Variants in VAT1L observed in about 807,000 individuals in gnomAD.
The protein encoded by VAT1L is putative NADPH-dependent quinone oxidoreductase VAT1L.
In VAT1L, 34 loss-of-function variants were observed where a neutral mutation model predicts 44.1. The observed-to-expected ratio is 0.77, with a 90% CI of 0.59 to 1.03. The LOEUF (loss-of-function observed/expected upper bound fraction) is 1.03. Ranked by LOEUF, VAT1L falls within the 50% of genes least tolerant of loss-of-function variation. VAT1L has a pLI of 0.00. For missense variants in VAT1L, 615 were observed against 538.8 expected (o/e 1.14, Z -1.40); for synonymous variants, 253 against 202.2 (o/e 1.25, Z -2.13).
At chr16:77,819,371 CTTTTTTCTTTT>C (rs1201750470) in intron 2 of VAT1L, among the ~76,000 whole-genome samples, 12 of 151,910 alleles carry the variant, frequency 7.9e-5, no homozygotes, top group East Asian at 5.8e-4. Context: ...ATATTCTTTT[CTTTTTTCTTTT>C]TTTTTTCTTT....
At chr16:77,974,983 G>C (rs923930256) in intron 8 of VAT1L, among the ~76,000 whole-genome samples, 1 of 152,042 alleles carries the variant, frequency 6.6e-6, no homozygotes, top group Non-Finnish European at 1.5e-5. Context: ...TGGAAAAGCA[G>C]ACTTGAAGGA....
At chr16:77,924,618 AC>A (rs2017646555) in intron 7 of VAT1L, among the ~76,000 whole-genome samples, 1 of 151,808 alleles carries the variant, frequency 6.6e-6, no homozygotes, top group Admixed American at 6.6e-5. Flanking sequence ...ATGCCACCAC[AC>A]CCACCTAATT....
chr16:77,914,954 C>T (rs556990130), intron 7 of VAT1L, among the ~76,000 whole-genome samples: 1 of 152,100 alleles, frequency 6.6e-6, no homozygotes, highest in Non-Finnish European at 1.5e-5. Flanking sequence ...GGAGAAACCC[C>T]GTCTCTACTA....
chr16:77,873,886 G>A (rs954609225), intron 4 of VAT1L, among the ~76,000 whole-genome samples: 4 of 152,140 alleles, frequency 2.6e-5, no homozygotes, highest in African/African-American at 2.4e-5. Context: ...ACAATCAAAA[G>A]GCCAAATGCC....
chr16:77,863,851 G>A (rs968916170), intron 4 of VAT1L, among the ~76,000 whole-genome samples: 17 of 152,156 alleles, frequency 1.1e-4, no homozygotes, highest in African/African-American at 4.1e-4. Context: ...CACCAATCCA[G>A]CAAATGTGGA....
At chr16:77,893,891 A>C (rs2017294204) in intron 7 of VAT1L, among the ~76,000 whole-genome samples, 1 of 152,208 alleles carries the variant, frequency 6.6e-6, no homozygotes, top group African/African-American at 2.4e-5. Flanking sequence ...TGCTACTAGG[A>C]AATGCTTAGC....
chr16:77,963,407 G>T (rs1158301833), intron 7 of VAT1L, among the ~76,000 whole-genome samples: 1 of 152,112 alleles, frequency 6.6e-6, no homozygotes. Flanking sequence ...TCTAAAGACG[G>T]GAAAGTCAAG....
intron 3 of VAT1L, among the ~76,000 whole-genome samples, chr16:77,846,226 C>G (rs2016756840): frequency 1.3e-5 from 2 of 152,188 alleles, no homozygotes; most frequent in South Asian, 4.1e-4. Context: ...CATGTAGACA[C>G]AGTTTCATTA....
At chr16:77,920,009 G>A (rs1325843203) in intron 7 of VAT1L, among the ~76,000 whole-genome samples, 1 of 152,116 alleles carries the variant, frequency 6.6e-6, no homozygotes, top group Admixed American at 6.6e-5. Context: ...GCTTGAACCT[G>A]AGAGGCAGAG....
intron 5 of VAT1L, among the ~76,000 whole-genome samples, chr16:77,878,349 C>T (rs1009199362): frequency 1.3e-5 from 2 of 152,130 alleles, no homozygotes; most frequent in African/African-American, 4.8e-5. Flanking sequence ...TAAATAACTC[C>T]TCTCTGAGAA....
At chr16:77,814,531 C>T (rs568545643) in intron 1 of VAT1L, among the ~76,000 whole-genome samples, 9 of 152,236 alleles carry the variant, frequency 5.9e-5, no homozygotes, top group East Asian at 3.9e-4. Flanking sequence ...AGTTGAGCAG[C>T]GTAATAAGTG....
chr16:77,906,681 G>C (rs1391761498), intron 7 of VAT1L, among the ~76,000 whole-genome samples: 3 of 152,158 alleles, frequency 2.0e-5, no homozygotes, highest in Admixed American at 6.5e-5. Context: ...AAAACTAAGG[G>C]GGGAACGGTC....
chr16:77,806,799 A>T (rs756894498), intron 1 of VAT1L, among the ~76,000 whole-genome samples: 1 of 152,168 alleles, frequency 6.6e-6, no homozygotes, highest in Non-Finnish European at 1.5e-5. Context: ...CTGTCATATC[A>T]TAGCAAAAAT....
intron 7 of VAT1L, among the ~76,000 whole-genome samples, chr16:77,948,490 T>C (rs2142520721): frequency 6.6e-6 from 1 of 152,290 alleles, no homozygotes; most frequent in East Asian, 1.9e-4. Flanking sequence ...GTTATAGTTG[T>C]CATTTGGGGA....
At chr16:77,944,573 C>G (rs77309398) in intron 7 of VAT1L, among the ~76,000 whole-genome samples, 2 of 152,078 alleles carry the variant, frequency 1.3e-5, no homozygotes, top group Non-Finnish European at 2.9e-5. Context: ...AAATAATGCA[C>G]CTGTCTTGTA....
chr16:77,879,955 G>A lies in VAT1L; in HGVS notation c.882+731G>A, dbSNP rs2017132012. ...CTCTTGAATCGGAGATAGAAATGAG[G>A]ACCCTATGACCTTAACAAGATCCTG... On this transcript the variant is annotated intron_variant, in intron 6 of 8. Coordinates refer to ENST00000302536, the MANE Select transcript of VAT1L (RefSeq NM_020927.3). The surrounding 1 kb of genome is among the most constrained non-coding windows in gnomAD (Gnocchi z 4.1). Among the ~76,000 whole-genome samples the A allele has an allele frequency of 6.6e-6, 1 of 152,106 alleles. No homozygotes were observed. Among genetic ancestry groups the A allele is most frequent in the Admixed American group, 6.5e-5 (1 of 15,270 alleles).
intron 2 of VAT1L, among the ~76,000 whole-genome samples, chr16:77,822,847 G>T (rs2016474545): frequency 6.6e-6 from 1 of 152,148 alleles, no homozygotes; most frequent in African/African-American, 2.4e-5. Context: ...AGAGCAATTT[G>T]ATTCTGTGGT....
chr16:77,945,884 C>T (rs1040179712), intron 7 of VAT1L, among the ~76,000 whole-genome samples: 1 of 151,600 alleles, frequency 6.6e-6, no homozygotes, highest in African/African-American at 2.4e-5. Flanking sequence ...CTCACTGCCC[C>T]CTCTGCTTCC....
chr16:77,929,565 T>C (rs910071821), intron 7 of VAT1L, among the ~76,000 whole-genome samples: 7 of 152,128 alleles, frequency 4.6e-5, no homozygotes, highest in African/African-American at 1.4e-4. Flanking sequence ...TTTTTCCAAA[T>C]AGTCAACATA....
Sources: allele counts gnomAD v4.1 joint callset (sites outside exome capture counted in the v4.1 genomes callset), GRCh38; gene constraint gnomAD v4.1.1; non-coding constraint Gnocchi (gnomAD v3.1); transcripts MANE v1.5; gene names NCBI Gene and HGNC (gene_info 2026-07-23, HGNC 2026-07-21).